Variants in SMTNL2 observed in about 807,000 individuals in gnomAD.
SMTNL2 encodes smoothelin-like protein 2.
Under a neutral mutation model 44.1 loss-of-function variants are expected in SMTNL2, and 43 were observed. The ratio of observed to expected loss-of-function variants is 0.98; its 90% CI spans 0.76 to 1.26. SMTNL2 has a LOEUF of 1.26. Ranked by LOEUF, SMTNL2 falls within the 50% of genes most tolerant of loss-of-function variation. The pLI, the probability that SMTNL2 is intolerant of heterozygous loss-of-function variation, is 0.00. For missense variants in SMTNL2, 646 were observed against 670.2 expected, an observed-to-expected ratio of 0.96 and a Z score of 0.40; for synonymous variants, 317 against 287.6, an observed-to-expected ratio of 1.10 and a Z score of -1.03.
At position 4,592,788 on chromosome 17, in the gene SMTNL2, T is replaced by C; in HGVS notation, c.488-141T>C. 1 of 1,157,236 alleles carries C rather than the reference T, an allele frequency of 8.6e-7. No individual in the cohort carries two copies. Among genetic ancestry groups the C allele is most frequent in the South Asian group, 1.6e-5 (1 of 63,310 alleles). The allele number at this position is 1,157,236 out of a possible 1,614,324, so 71.7% of individuals were successfully genotyped here. A position where few individuals can be genotyped will look rare whatever the true frequency, so the allele number is the denominator to read the frequency against. On this transcript the variant is annotated intron_variant, in intron 2 of 7. Coordinates refer to ENST00000389313, the MANE Select transcript of SMTNL2 (RefSeq NM_001114974.2). This position sits in a 1 kb window ranked among gnomAD's most constrained non-coding sequence, Gnocchi z 4.5. ...AGTAAGATATCCCTGGTAGGGGAGG[T>C]CAGAGAGGCTGGAGCAGTCAGGGAG...
chr17:4,593,324 G>A (rs1909661540), intron 3 of SMTNL2, among the ~76,000 whole-genome samples, 153 bp downstream of exon 3: 1 of 152,254 alleles, frequency 6.6e-6, no homozygotes, highest in South Asian at 2.1e-4. Context: ...CCTTCCCTTA[G>A]CCCATCCTCC....
rs10565578 is a variant in SMTNL2 at position 4,586,512 on chromosome 17, AAG to A, written c.399+1535_399+1536del. On this transcript the variant is annotated intron_variant, in intron 1 of 7. Coordinates refer to ENST00000389313, the MANE Select transcript of SMTNL2 (RefSeq NM_001114974.2). ...ACATGTAGATGTGTGTGTACACACA[AAG>A]AGAGAGAGAGAGAGAGAGAGAGAGA... 5.9e-3 allele frequency among the ~76,000 whole-genome samples: 887 copies of A among 149,866 alleles called. 7 individuals carry two copies. The highest frequency in any genetic ancestry group is 0.019 in the African/African-American group (771 of 40,716).
At position 4,593,805 on chromosome 17, in the gene SMTNL2, C is replaced by A. The variant is rs781451579; in HGVS notation, c.731-17C>A. The A allele has an allele frequency of 3.7e-6, 6 of 1,612,738 alleles. No individual in the cohort carries two copies. The South Asian group carries it at 4.4e-5, about 12-fold the overall frequency. ...TGGGGCCAGGGTTTGTTACTTCTCT[C>A]CCTCTCTCTTCCACAGAGAAGAATT... On this transcript the variant is annotated splice_polypyrimidine_tract_variant and intron_variant, in intron 3 of 7. Coordinates refer to ENST00000389313, the MANE Select transcript of SMTNL2 (RefSeq NM_001114974.2).
intron 7 of SMTNL2, among the ~76,000 whole-genome samples, chr17:4,597,644 G>C (rs1264645109): frequency 1.3e-5 from 2 of 152,198 alleles, no homozygotes; most frequent in East Asian, 3.9e-4. Flanking sequence ...AGCAGGACAG[G>C]GTCCCCCAAA....
intron 4 of SMTNL2, among the ~76,000 whole-genome samples, chr17:4,594,317 T>C (rs1374600485): frequency 6.6e-6 from 1 of 151,882 alleles, no homozygotes; most frequent in East Asian, 1.9e-4. Context: ...GGCATGGTGG[T>C]GGGTGCCTGT....
In SMTNL2 at chr17:4,600,238, C is replaced by T. The variant is rs539097793; in HGVS notation, c.1259+2915C>T. Among the ~76,000 whole-genome samples, 9 of 152,300 alleles carry T rather than the reference C, an allele frequency of 5.9e-5. No individual in the cohort carries two copies. In the East Asian group the frequency reaches 1.4e-3, roughly 23 times the overall value. ...CTGGTTAGAAGAGCTGGCAGGAAAG[C>T]GCAGGGACACCTGCCTGAGGGTACT... On this transcript the variant is annotated intron_variant, in intron 7 of 7. Transcript: ENST00000389313. This position sits in a 1 kb window ranked among gnomAD's most constrained non-coding sequence, Gnocchi z 4.7.
intron 1 of SMTNL2, among the ~76,000 whole-genome samples, chr17:4,589,363 G>A (rs187090541): frequency 2.1e-3 from 322 of 152,182 alleles, no homozygotes; most frequent in Non-Finnish European, 3.0e-3. Flanking sequence ...GAGGGGGCAC[G>A]GAGACCCCAG....
intron 1 of SMTNL2, 46 bp downstream of exon 1, chr17:4,585,050 C>T (rs778444777): frequency 9.1e-5 from 118 of 1,293,432 alleles, no homozygotes; most frequent in Admixed American, 4.3e-5. Context: ...AGTGGGGCTC[C>T]GAACCGGGTG....
In SMTNL2 at chr17:4,587,609, G is replaced by A. The variant is rs73973195; in HGVS notation, c.399+2605G>A. Among the ~76,000 whole-genome samples the A allele has an allele frequency of 2.9e-3, 435 of 152,312 alleles. 3 individuals are homozygous for A. The highest frequency in any genetic ancestry group is 9.9e-3 in the African/African-American group (411 of 41,550). ...TTGTGTCTGTGTAGTGGGGGTCTGG[G>A]TGGGACAATCTCATCCCATCCACAT... On this transcript the variant is annotated intron_variant, in intron 1 of 7. Coordinates refer to ENST00000389313, the MANE Select transcript of SMTNL2 (RefSeq NM_001114974.2).
chr17:4,585,399 C>T (rs1471832450), intron 1 of SMTNL2, among the ~76,000 whole-genome samples: 1 of 152,258 alleles, frequency 6.6e-6, no homozygotes, highest in African/African-American at 2.4e-5. Flanking sequence ...CCTCCATTCA[C>T]GCTCCCCTGC....
chr17:4,590,268 C>T (rs1277307475), intron 1 of SMTNL2, among the ~76,000 whole-genome samples: 7 of 151,980 alleles, frequency 4.6e-5, no homozygotes, highest in Admixed American at 6.6e-5. Flanking sequence ...CGCCTGGCCC[C>T]GTGCCTGGCT....
At chr17:4,604,456 T>G (rs571077485) in intron 7 of SMTNL2, among the ~76,000 whole-genome samples, 35 of 152,142 alleles carry the variant, frequency 2.3e-4, no homozygotes, top group Non-Finnish European at 4.0e-4. Context: ...CTGCGGGTAA[T>G]GTTACAGTCT....
intron 4 of SMTNL2, among the ~76,000 whole-genome samples, chr17:4,594,672 G>T (rs1008174333): frequency 2.0e-5 from 3 of 151,528 alleles, no homozygotes; most frequent in African/African-American, 7.3e-5. Flanking sequence ...CAGCCAGCGG[G>T]ACTGTGATTG....
At position 4,595,464 on chromosome 17, in the gene SMTNL2, G is replaced by A; in HGVS notation, c.989+137G>A. On this transcript the variant is annotated intron_variant, in intron 5 of 7. Transcript: ENST00000389313. The surrounding 1 kb of genome is among the most constrained non-coding windows in gnomAD (Gnocchi z 5.1). ...CTGTTGCCCAGGACAAGATCTCTTG[G>A]GCAAGGCACAAAGTTAGGGCTGGGC... The A allele has an allele frequency of 7.8e-7, 1 of 1,290,048 alleles. No individual in the cohort carries two copies. The highest frequency in any genetic ancestry group is 1.1e-6 in the Non-Finnish European group (1 of 950,298). The allele number at this position is 1,290,048 out of a possible 1,614,324, so 79.9% of individuals were successfully genotyped here. A position where few individuals can be genotyped will look rare whatever the true frequency, so the allele number is the denominator to read the frequency against.
At position 4,595,099 on chromosome 17, in the gene SMTNL2, T is replaced by C; in HGVS notation, c.807-46T>C. ...GAGACCTTGGGGCCTGGTGAGCTAG[T>C]GATGGCTGCTGGGCCCAGGTCCCAA... On this transcript the variant is annotated intron_variant, in intron 4 of 7. Transcript: ENST00000389313. This position sits in a 1 kb window ranked among gnomAD's most constrained non-coding sequence, Gnocchi z 5.1. 1 of 1,612,240 alleles carries C rather than the reference T, an allele frequency of 6.2e-7. No individual in the cohort carries two copies. Among genetic ancestry groups the C allele is most frequent in the Non-Finnish European group, 8.5e-7 (1 of 1,179,510 alleles).
chr17:4,594,550 T>C (rs1281763579), intron 4 of SMTNL2, among the ~76,000 whole-genome samples: 1 of 152,118 alleles, frequency 6.6e-6, no homozygotes, highest in African/African-American at 2.4e-5. Context: ...GAGCTTTGTC[T>C]TCTTCCATCC....
intron 1 of SMTNL2, among the ~76,000 whole-genome samples, chr17:4,589,938 C>CTTTTTTTTTTTT (rs780984262): frequency 1.7e-5 from 1 of 59,792 alleles, no homozygotes. Context: ...ACGCACCTGG[C>CTTTTTTTTTTTT]TTTTTTTTTT....
rs765855802 is a variant in SMTNL2 at position 4,592,463 on chromosome 17, AGAG to A, written c.487+20_487+22del. ...GCCGGGGGCAGGTAGGGCTGACGGC[AGAG>A]GAGGGGTGGCTGGGTAGGTTTGGGG... On this transcript the variant is annotated intron_variant, in intron 2 of 7. Transcript: ENST00000389313. The surrounding 1 kb of genome is among the most constrained non-coding windows in gnomAD (Gnocchi z 4.5). 9.1e-5 allele frequency: 146 copies of A among 1,608,756 alleles called. No individual in the cohort carries two copies. The highest frequency in any genetic ancestry group is 1.1e-4 in the Non-Finnish European group (128 of 1,177,678).
chr17:4,585,122 C>T, intron 1 of SMTNL2, 118 bp downstream of exon 1: 1 of 1,164,286 alleles, frequency 8.6e-7, no homozygotes, highest in Non-Finnish European at 1.1e-6. Flanking sequence ...CCTTCACCGG[C>T]CGCTCGGACT....
Sources: allele counts gnomAD v4.1 joint callset (sites outside exome capture counted in the v4.1 genomes callset), GRCh38; gene constraint gnomAD v4.1.1; non-coding constraint Gnocchi (gnomAD v3.1); transcripts MANE v1.5; gene names NCBI Gene and HGNC (gene_info 2026-07-23, HGNC 2026-07-21).